RAPGEF2: variants seen among roughly 807,000 people sequenced by gnomAD.
RAPGEF2 encodes the protein PDZ domain containing guanine nucleotide exchange factor (GEF) 1.
RAPGEF2 carries 54 observed loss-of-function variants against 186.7 expected under a neutral mutation model. That is an observed-to-expected ratio of 0.29 (90% CI 0.23 to 0.36). RAPGEF2 has a LOEUF of 0.36. Ranked by LOEUF, RAPGEF2 falls within the 10% of genes least tolerant of loss-of-function variation. The pLI is 1.00. For synonymous variants in RAPGEF2, 712 were observed against 705.9 expected (o/e 1.01, Z -0.14); for missense variants, 1,532 against 2,045.0 (o/e 0.75, Z 4.84).
intron 2 of RAPGEF2, among the ~76,000 whole-genome samples, chr4:159,189,486 T>G (rs1747896645): frequency 6.6e-6 from 1 of 152,174 alleles, no homozygotes. Context: ...ATGCTGTAAT[T>G]GGGAGCAGAG....
chr4:159,350,182 A>G lies in RAPGEF2; in HGVS notation c.3758A>G (p.Glu1253Gly). ...TTAAAAAAAATTCTTTCTTTGTCTG[A>G]AGAAGGAAGTTTGGAACGTCACAAG... is the stretch of plus-strand genomic sequence containing the variant. Reference protein sequence around the residue: ...QALKKILSLSEEGSLERHKKQ... With the variant: ...QALKKILSLSGEGSLERHKKQ... The change falls in exon 26 of 30, where the codon GAA becomes GGA. Residue 1253 changes from glutamate to glycine, a missense_variant. Physicochemically the swap from Glu to Gly is moderately conservative, Grantham distance 98. Around this residue, in one of 4 missense-constraint regions of RAPGEF2, gnomAD observed 594 missense variants for 608.5 expected, o/e 0.98. Coordinates refer to ENST00000691494, the MANE Select transcript of RAPGEF2 (RefSeq NM_001394067.2). 1 of 1,584,426 alleles carries G rather than the reference A, an allele frequency of 6.3e-7. No homozygotes were observed. The highest frequency in any genetic ancestry group is 1.4e-5 in the African/African-American group (1 of 73,872).
Position 159,187,306 on chromosome 4 carries a change from CT to C in RAPGEF2, c.140+602del, listed in dbSNP as rs1044984812. Among the ~76,000 whole-genome samples the C allele has an allele frequency of 2.2e-3, 333 of 151,934 alleles. 2 individuals carry two copies. Among genetic ancestry groups the C allele is most frequent in the African/African-American group, 7.3e-3 (302 of 41,460 alleles). On this transcript the variant is annotated intron_variant, in intron 2 of 29. Coordinates refer to ENST00000691494, the MANE Select transcript of RAPGEF2 (RefSeq NM_001394067.2). ...CTGTCTCTTTCTTCTTCCTCCTCCC[CT>C]TTTTTTTCTCTGTCTCTCCCCATCC...
chr4:159,126,475 TAAGTG>T (rs796469527), intron 1 of RAPGEF2, among the ~76,000 whole-genome samples: 2 of 151,578 alleles, frequency 1.3e-5, no homozygotes, highest in African/African-American at 4.8e-5. Flanking sequence ...ATATATGAAA[TAAGTG>T]AAGTAATTTT....
intron 7 of RAPGEF2, among the ~76,000 whole-genome samples, chr4:159,292,615 TA>T (rs1761387776): frequency 6.6e-6 from 1 of 152,030 alleles, no homozygotes. Flanking sequence ...AGTTTACTTC[TA>T]TTTTTTTAAA....
At chr4:159,256,053 C>T (rs965214217) in intron 7 of RAPGEF2, among the ~76,000 whole-genome samples, 1 of 152,174 alleles carries the variant, frequency 6.6e-6, no homozygotes, top group South Asian at 2.1e-4. Context: ...TGAAATTCAT[C>T]TCTGATCTCT....
At chr4:159,325,830 G>C (rs1269280158) in intron 11 of RAPGEF2, among the ~76,000 whole-genome samples, 2 of 152,144 alleles carry the variant, frequency 1.3e-5, no homozygotes, top group African/African-American at 4.8e-5. Flanking sequence ...GGAAGTAGGG[G>C]TTATGTTAGG....
intron 19 of RAPGEF2, 99 bp from the exon 20 acceptor site, chr4:159,341,465 C>A: frequency 8.2e-7 from 1 of 1,221,712 alleles, no homozygotes; most frequent in Non-Finnish European, 1.1e-6. Flanking sequence ...CAAATCAGTG[C>A]TCTCTCAAAC....
At chr4:159,233,912 G>C (rs1235749724) in intron 4 of RAPGEF2, among the ~76,000 whole-genome samples, 1 of 151,006 alleles carries the variant, frequency 6.6e-6, no homozygotes, top group Admixed American at 6.6e-5. Flanking sequence ...TTTGATTACT[G>C]TAGCTTTGTA....
intron 1 of RAPGEF2, among the ~76,000 whole-genome samples, chr4:159,124,627 G>A (rs868389622): frequency 1.3e-5 from 2 of 152,300 alleles, no homozygotes; most frequent in Admixed American, 6.5e-5. Flanking sequence ...GAAGAATGAA[G>A]AGGAAGAGAC....
At chr4:159,304,526 T>C in intron 8 of RAPGEF2, 53 bp downstream of exon 8, 1 of 1,518,256 alleles carries the variant, frequency 6.6e-7, no homozygotes, top group African/African-American at 1.4e-5. Context: ...TTCCAAGAAA[T>C]TTTAAGGTTC....
At chr4:159,159,626 T>C (rs560946535) in intron 1 of RAPGEF2, among the ~76,000 whole-genome samples, 3 of 152,326 alleles carry the variant, frequency 2.0e-5, no homozygotes, top group Non-Finnish European at 4.4e-5. Flanking sequence ...AAAAAGAGTA[T>C]TTCAGAATCG....
At chr4:159,160,782 C>T (rs1245551810) in intron 1 of RAPGEF2, among the ~76,000 whole-genome samples, 1 of 152,128 alleles carries the variant, frequency 6.6e-6, no homozygotes. Context: ...TATTCCTGTA[C>T]ATCATTTTTT....
intron 2 of RAPGEF2, among the ~76,000 whole-genome samples, chr4:159,188,943 A>T (rs1238749626): frequency 6.6e-6 from 1 of 152,244 alleles, no homozygotes; most frequent in Non-Finnish European, 1.5e-5. Flanking sequence ...GGAAAACATC[A>T]CCTTAAACTA....
chr4:159,246,928 A>T (rs756188898), intron 7 of RAPGEF2, among the ~76,000 whole-genome samples: 3 of 152,158 alleles, frequency 2.0e-5, no homozygotes, highest in Non-Finnish European at 4.4e-5. Flanking sequence ...GTGATATCAC[A>T]CCTGGCTATA....
chr4:159,297,840 C>A (rs903788105), intron 7 of RAPGEF2, among the ~76,000 whole-genome samples: 1 of 152,140 alleles, frequency 6.6e-6, no homozygotes, highest in African/African-American at 2.4e-5. Context: ...ATTATTTGGA[C>A]CACAGTGATT....
rs1271447760 is a variant in RAPGEF2 at position 159,331,516 on chromosome 4, T to G, written c.1553T>G (p.Phe518Cys). The G allele has an allele frequency of 6.2e-7, 1 of 1,613,200 alleles. No individual in the cohort carries two copies. Among genetic ancestry groups the G allele is most frequent in the Non-Finnish European group, 8.5e-7 (1 of 1,179,318 alleles). ...GCAATGACTCGATTTTTAGAAGAATTTGAAAACAATCTGGAAAGAGAGGTA... is the reference window on the plus strand; with the variant it reads ...GCAATGACTCGATTTTTAGAAGAATGTGAAAACAATCTGGAAAGAGAGGTA... Reference protein sequence around the residue: ...DPAMTRFLEEFENNLEREKMG... With the variant: ...DPAMTRFLEECENNLEREKMG... Residue 518 changes from phenylalanine (F) to cysteine (C), a missense_variant, in exon 14 of 30, where the codon TTT becomes TGT. Physicochemically the swap from Phe to Cys is radical, Grantham distance 205. This residue lies in a region of RAPGEF2 where 810 missense variants were observed against 1,210.5 expected (regional missense o/e 0.67). Coordinates refer to ENST00000691494, the MANE Select transcript of RAPGEF2 (RefSeq NM_001394067.2).
rs1051067874 is a variant in RAPGEF2, at chr4:159,358,704, C to G, written c.*565C>G. On this transcript the variant is annotated 3_prime_UTR_variant, in exon 30 of 30. Transcript: ENST00000691494. ...AAAAAATGAGTTTAAAGATTTTGTT[C>G]AGAGAGTAAATATATATCCATTTAA... The G allele has an allele frequency of 1.3e-5, 2 of 151,896 alleles. No individual in the cohort carries two copies. The highest frequency in any genetic ancestry group is 4.8e-5 in the African/African-American group (2 of 41,314). The allele number at this position is 151,896 out of a possible 1,614,324, so 9.4% of individuals were successfully genotyped here.
intron 1 of RAPGEF2, among the ~76,000 whole-genome samples, chr4:159,168,986 G>A (rs1371419414): frequency 6.6e-6 from 1 of 152,154 alleles, no homozygotes; most frequent in Non-Finnish European, 1.5e-5. Flanking sequence ...TTGCATTGTG[G>A]CCATTTGTGA....
At chr4:159,269,185 C>T (rs1757798218) in intron 7 of RAPGEF2, among the ~76,000 whole-genome samples, 1 of 152,090 alleles carries the variant, frequency 6.6e-6, no homozygotes, top group Non-Finnish European at 1.5e-5. Context: ...TATTTAGATG[C>T]TGAGGTTCAT....
Sources: allele counts gnomAD v4.1 joint callset (sites outside exome capture counted in the v4.1 genomes callset), GRCh38; gene constraint gnomAD v4.1.1; regional missense constraint gnomAD v4.1.1; transcripts MANE v1.5; gene names NCBI Gene and HGNC (gene_info 2026-07-23, HGNC 2026-07-21).